RASA1: variants seen among roughly 807,000 people sequenced by gnomAD.
The protein encoded by RASA1 is RAS p21 protein activator 1.
RASA1 carries 25 observed loss-of-function variants against 132.2 expected under a neutral mutation model. That is an observed-to-expected ratio of 0.19 (90% CI 0.14 to 0.26). RASA1 has a LOEUF of 0.26. RASA1 is among the 10% of genes least tolerant of loss of function. The pLI is 1.00. For missense variants in RASA1, 964 were observed against 1,299.2 expected, an observed-to-expected ratio of 0.74 and a Z score of 3.97; for synonymous variants, 477 against 449.9, an observed-to-expected ratio of 1.06 and a Z score of -0.76.
In RASA1 at chr5:87,268,894, C is replaced by A. The variant is rs1753695960; in HGVS notation, c.443C>A (p.Ala148Glu). Reference protein sequence around the residue: ...PPPPYLPPLGAGLGTVDEGDS... With the variant: ...PPPPYLPPLGEGLGTVDEGDS... ...CCCCCTTACCTGCCCCCTTTGGGGG[C>A]GGGCCTCGGGACAGTGGACGAAGGT... The change falls in exon 1 of 25, where the codon GCG becomes GAG. Residue 148 changes from alanine (A) to glutamate (E), a missense_variant. Physicochemically the swap from Ala to Glu is moderately radical, Grantham distance 107. Transcript: ENST00000274376. 2.5e-6 allele frequency: 4 copies of A among 1,614,056 alleles called. No homozygotes were observed. Among genetic ancestry groups the A allele is most frequent in the Non-Finnish European group, 2.5e-6 (3 of 1,179,992 alleles).
At position 87,362,596 on chromosome 5, in the gene RASA1, TATA is replaced by T. The variant is rs760872791; in HGVS notation, c.1382_1384del (p.Asn461del). On this transcript the variant is annotated inframe_deletion, in exon 10 of 25. Coordinates refer to ENST00000274376, the MANE Select transcript of RASA1 (RefSeq NM_002890.3). ...TGACACAGTGGATGGCAAGGAAATCTATAATACCATCCGTCGTAAAACAAAGGA... is the reference window on the plus strand; with the variant it reads ...TGACACAGTGGATGGCAAGGAAATCTATACCATCCGTCGTAAAACAAAGGA... 6.3e-7 allele frequency: 1 copy of T among 1,597,482 alleles called. No individual in the cohort carries two copies. The highest frequency in any genetic ancestry group is 1.1e-5 in the South Asian group (1 of 90,776).
intron 1 of RASA1, among the ~76,000 whole-genome samples, chr5:87,321,833 T>A (rs1276079202): frequency 6.6e-6 from 1 of 152,102 alleles, no homozygotes; most frequent in East Asian, 1.9e-4. Context: ...AGACCCCCCA[T>A]AGGACCCTCT....
chr5:87,283,731 C>CT (rs1754421843), intron 1 of RASA1, among the ~76,000 whole-genome samples: 1 of 152,090 alleles, frequency 6.6e-6, no homozygotes, highest in Non-Finnish European at 1.5e-5. Flanking sequence ...CAAACCCAAG[C>CT]TTTTGACCCC....
chr5:87,329,162 C>T (rs899285837), intron 1 of RASA1, among the ~76,000 whole-genome samples: 38 of 151,742 alleles, frequency 2.5e-4, no homozygotes, highest in African/African-American at 8.2e-4. Flanking sequence ...TGTAAAAAAT[C>T]GACTCGGTGT....
intron 1 of RASA1, among the ~76,000 whole-genome samples, chr5:87,279,280 G>A (rs1323842020): frequency 2.6e-5 from 4 of 152,118 alleles, no homozygotes; most frequent in Admixed American, 6.5e-5. Context: ...TTTGGGATTG[G>A]CATTTGTCAC....
chr5:87,374,151 T>G lies in RASA1; in HGVS notation c.1777-12T>G. ...TGGGGTAATATATATATATATATTTTTTTTTTTTTAGGTCAGCAGCCTTGT... is the reference window on the plus strand; with the variant it reads ...TGGGGTAATATATATATATATATTTGTTTTTTTTTAGGTCAGCAGCCTTGT... On this transcript the variant is annotated splice_polypyrimidine_tract_variant and intron_variant, in intron 13 of 24. Transcript: ENST00000274376. 7.1e-7 allele frequency: 1 copy of G among 1,414,152 alleles called. No individual in the cohort carries two copies. The allele number at this position is 1,414,152 out of a possible 1,614,324, so 87.6% of individuals were successfully genotyped here.
At chr5:87,380,795 A>T (rs773943851) in intron 20 of RASA1, among the ~76,000 whole-genome samples, 200 bp downstream of exon 20, 2 of 152,210 alleles carry the variant, frequency 1.3e-5, no homozygotes, top group Non-Finnish European at 2.9e-5. Flanking sequence ...TTCTAAAAAC[A>T]TGAACATTCA....
At position 87,391,005 on chromosome 5, in the gene RASA1, G is replaced by A; in HGVS notation, c.*122G>A. On this transcript the variant is annotated 3_prime_UTR_variant, in exon 25 of 25. Coordinates refer to ENST00000274376, the MANE Select transcript of RASA1 (RefSeq NM_002890.3). ...ACTTTTCCACATTCCAGTGATGTGT[G>A]AGCTATGCAAACAAAATCCAAGATT... 1 of 988,270 alleles carries A rather than the reference G, an allele frequency of 1.0e-6. No homozygotes were observed. The highest frequency in any genetic ancestry group is 1.6e-6 in the Non-Finnish European group (1 of 629,118). The allele number at this position is 988,270 out of a possible 1,614,324, so 61.2% of individuals were successfully genotyped here.
At chr5:87,312,610 G>T (rs1297064603) in intron 1 of RASA1, among the ~76,000 whole-genome samples, 1 of 152,142 alleles carries the variant, frequency 6.6e-6, no homozygotes, top group Non-Finnish European at 1.5e-5. Context: ...CTGGGCTAGA[G>T]GTTATCGAAG....
At chr5:87,278,661 G>A (rs1053268682) in intron 1 of RASA1, among the ~76,000 whole-genome samples, 14 of 151,990 alleles carry the variant, frequency 9.2e-5, no homozygotes, top group East Asian at 1.9e-4. Context: ...CATTGACATC[G>A]CTGTAATCCA....
At chr5:87,303,874 CTT>C (rs539744901) in intron 1 of RASA1, among the ~76,000 whole-genome samples, 171 of 125,504 alleles carry the variant, frequency 1.4e-3, no homozygotes, top group Non-Finnish European at 2.3e-3. Flanking sequence ...GAGTTTTGCT[CTT>C]GTCGCCCAAG....
chr5:87,275,765 T>G (rs1754036904), intron 1 of RASA1, among the ~76,000 whole-genome samples: 1 of 152,150 alleles, frequency 6.6e-6, no homozygotes, highest in Non-Finnish European at 1.5e-5. Flanking sequence ...GAGATGGGGT[T>G]TCACCATGTT....
intron 1 of RASA1, among the ~76,000 whole-genome samples, chr5:87,282,389 A>G (rs1037119664): frequency 1.3e-5 from 2 of 152,172 alleles, no homozygotes; most frequent in Admixed American, 1.3e-4. Flanking sequence ...ATTTTGTGCC[A>G]CTTTTCTTCT....
intron 1 of RASA1, among the ~76,000 whole-genome samples, chr5:87,277,668 A>C (rs936219613): frequency 3.3e-5 from 5 of 152,192 alleles, no homozygotes; most frequent in African/African-American, 4.8e-5. Flanking sequence ...CAAACTGACT[A>C]ATACATGGGT....
chr5:87,292,994 A>G (rs1158459094), intron 1 of RASA1, among the ~76,000 whole-genome samples: 1 of 152,162 alleles, frequency 6.6e-6, no homozygotes, highest in Non-Finnish European at 1.5e-5. Context: ...TGTTAGTTCC[A>G]TGAGGTTTTT....
chr5:87,268,638 G>A lies in RASA1; in HGVS notation c.187G>A (p.Gly63Ser), dbSNP rs749218158. The A allele has an allele frequency of 2.5e-6, 4 of 1,611,400 alleles. No individual in the cohort carries two copies. The highest frequency in any genetic ancestry group is 2.5e-6 in the Non-Finnish European group (3 of 1,179,294). Residue 63 changes from glycine (G) to serine (S), a missense_variant, in exon 1 of 25, where the codon GGC (glycine) becomes AGC (serine). Coordinates refer to ENST00000274376, the MANE Select transcript of RASA1 (RefSeq NM_002890.3). ...GACCGGAGTGGCTGGAACTCTGGGT[G>A]GCGGAGCCGCTTTGGGGTCAGAGTT... ...VETGVAGTLG[G>S]GAALGSEFLG...
At chr5:87,278,909 C>CTTTTTTTTTTTTTT (rs58122450) in intron 1 of RASA1, among the ~76,000 whole-genome samples, 6 of 84,010 alleles carry the variant, frequency 7.1e-5, no homozygotes, top group Middle Eastern at 0.013. Context: ...CTAATTTGTT[C>CTTTTTTTTTTTTTT]TTTTTTTTTT....
chr5:87,390,968 A>C lies in RASA1; in HGVS notation c.*85A>C, dbSNP rs1762471176. ...GTTTAATGTCTCCTTTGCTCTTGCC[A>C]AAAAATAGCACACTTTTCCACATTC... On this transcript the variant is annotated 3_prime_UTR_variant, in exon 25 of 25. Transcript: ENST00000274376. 1.5e-6 allele frequency: 2 copies of C among 1,315,806 alleles called. No individual in the cohort carries two copies. Among genetic ancestry groups the C allele is most frequent in the Admixed American group, 3.4e-5 (2 of 58,420 alleles). The allele number at this position is 1,315,806 out of a possible 1,614,324, so 81.5% of individuals were successfully genotyped here. A position where few individuals can be genotyped will look rare whatever the true frequency, so the allele number is the denominator to read the frequency against.
chr5:87,374,767 TACTAGA>T, intron 14 of RASA1, 67 bp from the exon 15 acceptor site: 1 of 1,585,152 alleles, frequency 6.3e-7, no homozygotes, highest in Non-Finnish European at 8.6e-7. Context: ...GTTTATTTGA[TACTAGA>T]ACTAAAGAAA....
Sources: allele counts gnomAD v4.1 joint callset (sites outside exome capture counted in the v4.1 genomes callset), GRCh38; gene constraint gnomAD v4.1.1; transcripts MANE v1.5; gene names NCBI Gene and HGNC (gene_info 2026-07-23, HGNC 2026-07-21).